ASAP1: variants seen among roughly 807,000 people sequenced by gnomAD.
ASAP1 encodes arf-GAP with SH3 domain, ANK repeat and PH domain-containing protein 1.
Under a neutral mutation model 145.2 loss-of-function variants are expected in ASAP1, and 43 were observed. That is an observed-to-expected ratio of 0.30 (90% CI 0.23 to 0.38). The LOEUF is 0.38. Among genes scored for constraint, ASAP1 ranks in the 10% least tolerant of loss-of-function variants. The probability of loss-of-function intolerance (pLI) is 1.00; values close to 1 mark genes in which losing one functional copy is unlikely to be tolerated. For synonymous variants in ASAP1, 546 were observed against 515.5 expected (o/e 1.06, Z -0.80); for missense variants, 1,018 against 1,355.3 (o/e 0.75, Z 3.91).
At chr8:130,070,326 C>T (rs968188814) in intron 27 of ASAP1, among the ~76,000 whole-genome samples, 91 of 152,266 alleles carry the variant, frequency 6.0e-4, no homozygotes, top group Non-Finnish European at 1.2e-3. Context: ...CGTGAGCCAC[C>T]GTGCCCGGCC....
chr8:130,086,649 C>G (rs564117805), intron 25 of ASAP1, among the ~76,000 whole-genome samples: 2 of 152,032 alleles, frequency 1.3e-5, no homozygotes, highest in Non-Finnish European at 2.9e-5. Flanking sequence ...ACAAAAAATA[C>G]AAAAATTAGC....
At chr8:130,087,563 T>C (rs542939857) in intron 25 of ASAP1, among the ~76,000 whole-genome samples, 72 of 152,172 alleles carry the variant, frequency 4.7e-4, no homozygotes, top group Non-Finnish European at 8.4e-4. Context: ...TCCACCTGGC[T>C]GAGGAAAGAG....
chr8:130,171,001 C>A (rs1336647994), intron 9 of ASAP1, among the ~76,000 whole-genome samples: 2 of 152,198 alleles, frequency 1.3e-5, no homozygotes, highest in South Asian at 2.1e-4. Context: ...AAGGTGTGAG[C>A]CACCGTGCCT....
At chr8:130,343,213 T>C (rs960245002) in intron 3 of ASAP1, among the ~76,000 whole-genome samples, 5 of 152,126 alleles carry the variant, frequency 3.3e-5, no homozygotes, top group Non-Finnish European at 5.9e-5. Flanking sequence ...CTTATTTCCA[T>C]GGTAAGCAGG....
At chr8:130,102,777 C>T (rs1048819635) in intron 24 of ASAP1, among the ~76,000 whole-genome samples, 11 of 152,172 alleles carry the variant, frequency 7.2e-5, no homozygotes, top group Non-Finnish European at 1.6e-4. Flanking sequence ...CTTTGACCTC[C>T]TGGGCTCAAG....
chr8:130,406,901 C>A (rs1287294668), intron 1 of ASAP1, among the ~76,000 whole-genome samples: 1 of 152,198 alleles, frequency 6.6e-6, no homozygotes, highest in African/African-American at 2.4e-5. Context: ...CTTAAGCTAT[C>A]TGAAGCCCAA....
chr8:130,323,343 A>C lies in ASAP1; in HGVS notation c.186+34674T>G, dbSNP rs1453241770. ...TTTTAAACACTAGTGTAAAGAAACA[A>C]GAGGGAACATACTTTCTTTAGCCAC... On this transcript the variant is annotated intron_variant, in intron 3 of 29. Coordinates refer to ENST00000518721, the MANE Select transcript of ASAP1 (RefSeq NM_018482.4). 3.3e-5 allele frequency among the ~76,000 whole-genome samples: 5 copies of C among 152,244 alleles called. No homozygotes were observed. In the East Asian group the frequency reaches 9.6e-4, roughly 29 times the overall value.
chr8:130,320,900 G>A (rs75997605), intron 3 of ASAP1, among the ~76,000 whole-genome samples: 3,030 of 152,170 alleles, frequency 0.02, 48 homozygotes, highest in East Asian at 0.064. Flanking sequence ...CCCAGTCTTC[G>A]GTTAAAGACA....
Position 130,361,828 on chromosome 8 carries a change from G to T in ASAP1, c.60-3685C>A. 3 of 1,275,656 alleles carry T rather than the reference G, an allele frequency of 2.4e-6. No homozygotes were observed. In the South Asian group the frequency reaches 3.8e-5, roughly 16 times the overall value. 79.0% of individuals were successfully genotyped at this position (1,275,656 alleles called of 1,614,324 possible). A position where few individuals can be genotyped will look rare whatever the true frequency, so the allele number is the denominator to read the frequency against. On this transcript the variant is annotated intron_variant, in intron 2 of 29. Coordinates refer to ENST00000518721, the MANE Select transcript of ASAP1 (RefSeq NM_018482.4). Reference sequence around the variant, plus strand: ...ACGTAAATGCTGGATTTCTTTGTGTGGAGCTGCCCCGAAATATACACCATC... The same window carrying T: ...ACGTAAATGCTGGATTTCTTTGTGTTGAGCTGCCCCGAAATATACACCATC...
At chr8:130,347,049 T>C (rs1178339704) in intron 3 of ASAP1, among the ~76,000 whole-genome samples, 1 of 152,200 alleles carries the variant, frequency 6.6e-6, no homozygotes, top group Admixed American at 6.5e-5. Flanking sequence ...ACTGGACCTT[T>C]AAGCAGGCTC....
rs145412938 is a variant in ASAP1, at chr8:130,439,990, C to T, written c.-28+3470G>A. ...CTAGTCTTCCTGTCTCCCACAACAA[C>T]GCCACCATACACCCAGCTGTTCAAG... On this transcript the variant is annotated intron_variant, in intron 1 of 29. Transcript: ENST00000518721. 2.5e-3 allele frequency among the ~76,000 whole-genome samples: 376 copies of T among 152,278 alleles called. 2 individuals are homozygous for T. The highest frequency in any genetic ancestry group is 8.3e-3 in the African/African-American group (345 of 41,548).
At chr8:130,355,364 G>A (rs184429129) in intron 3 of ASAP1, among the ~76,000 whole-genome samples, 88 of 152,274 alleles carry the variant, frequency 5.8e-4, no homozygotes, top group Admixed American at 1.6e-3. Context: ...CTATGTATGT[G>A]CATTAGTGAT....
intron 27 of ASAP1, among the ~76,000 whole-genome samples, chr8:130,072,053 T>C (rs756807234): frequency 3.3e-5 from 5 of 152,246 alleles, no homozygotes; most frequent in Non-Finnish European, 7.4e-5. Flanking sequence ...TCTATTCCGA[T>C]TGTGGGTCTT....
At chr8:130,079,165 A>C (rs1194966181) in intron 26 of ASAP1, among the ~76,000 whole-genome samples, 2 of 152,202 alleles carry the variant, frequency 1.3e-5, no homozygotes, top group African/African-American at 4.8e-5. Context: ...ACTGCACTCC[A>C]GTCTGGGTGA....
intron 1 of ASAP1, among the ~76,000 whole-genome samples, chr8:130,408,302 G>A (rs1258040355): frequency 6.6e-6 from 1 of 152,234 alleles, no homozygotes; most frequent in Non-Finnish European, 1.5e-5. Flanking sequence ...TCAGGAGACT[G>A]AGTAAGGAAG....
intron 5 of ASAP1, among the ~76,000 whole-genome samples, chr8:130,201,458 C>G (rs999067879): frequency 2.0e-5 from 3 of 152,284 alleles, no homozygotes; most frequent in Admixed American, 2.0e-4. Flanking sequence ...AATTCCTTAA[C>G]TTAAAATAAT....
At chr8:130,347,343 A>G (rs1470504043) in intron 3 of ASAP1, among the ~76,000 whole-genome samples, 1 of 152,208 alleles carries the variant, frequency 6.6e-6, no homozygotes, top group South Asian at 2.1e-4. Flanking sequence ...AGCAGAAAGG[A>G]TCAAGGGGAG....
At chr8:130,337,816 T>C (rs1457110955) in intron 3 of ASAP1, among the ~76,000 whole-genome samples, 10 of 152,204 alleles carry the variant, frequency 6.6e-5, no homozygotes, top group Non-Finnish European at 1.2e-4. Flanking sequence ...GAAGAGGCAA[T>C]GGCCAGACTT....
intron 13 of ASAP1, among the ~76,000 whole-genome samples, chr8:130,141,278 C>T (rs769100233): frequency 2.6e-5 from 4 of 152,150 alleles, no homozygotes; most frequent in Non-Finnish European, 5.9e-5. Flanking sequence ...CTCCAGGCAC[C>T]AATCGCAGGC....
Sources: allele counts gnomAD v4.1 joint callset (sites outside exome capture counted in the v4.1 genomes callset), GRCh38; gene constraint gnomAD v4.1.1; transcripts MANE v1.5; gene names NCBI Gene and HGNC (gene_info 2026-07-23, HGNC 2026-07-21).